Variants in SHMT1 observed in about 807,000 individuals in gnomAD.
SHMT1 encodes the protein serine hydroxymethyltransferase 1.
In SHMT1, 45 loss-of-function variants were observed where a neutral mutation model predicts 49.0. That is an observed-to-expected ratio of 0.92 (90% CI 0.72 to 1.18). The LOEUF (loss-of-function observed/expected upper bound fraction) is 1.18, where lower values mean the gene tolerates loss of function less well. Among genes scored for constraint, SHMT1 ranks in the 50% most tolerant of loss-of-function variants. The pLI, the probability that SHMT1 is intolerant of heterozygous loss-of-function variation, is 0.00. For synonymous variants in SHMT1, 232 were observed against 246.6 expected, an observed-to-expected ratio of 0.94 and a Z score of 0.55; for missense variants, 541 against 612.4, an observed-to-expected ratio of 0.88 and a Z score of 1.23.
chr17:18,351,398 G>A (rs1023806173), intron 3 of SHMT1, among the ~76,000 whole-genome samples: 6 of 151,292 alleles, frequency 4.0e-5, no homozygotes, highest in Admixed American at 2.6e-4. Flanking sequence ...CACCCAGCTC[G>A]GCCTCCTAAA....
chr17:18,357,125 C>T (rs1366326299), intron 1 of SHMT1, among the ~76,000 whole-genome samples: 1 of 151,512 alleles, frequency 6.6e-6, no homozygotes. Flanking sequence ...ACTAAAAATA[C>T]AAAAAATGAG....
In SHMT1 at chr17:18,353,666, A is replaced by G. The variant is rs370725915; in HGVS notation, c.242+6T>C. Reference sequence around the variant, plus strand: ...CAGAACCAGGCCTTTGAAGATATTCACATACCTCTGGCCCGGGTACCCCTC... The same window carrying G: ...CAGAACCAGGCCTTTGAAGATATTCGCATACCTCTGGCCCGGGTACCCCTC... On this transcript the variant is annotated splice_donor_region_variant and intron_variant, in intron 3 of 11. Transcript: ENST00000316694. The G allele has an allele frequency of 5.0e-5, 80 of 1,614,056 alleles. No individual in the cohort carries two copies. The highest frequency in any genetic ancestry group is 3.4e-4 in the South Asian group (31 of 91,074).
At chr17:18,343,633 G>GAAT (rs1984769809) in intron 5 of SHMT1, among the ~76,000 whole-genome samples, 3 of 88,250 alleles carry the variant, frequency 3.4e-5, no homozygotes, top group Non-Finnish European at 4.4e-5. Flanking sequence ...AAAAAAAAAG[G>GAAT]GGTCAGCCGG....
intron 8 of SHMT1, among the ~76,000 whole-genome samples, chr17:18,334,710 G>A (rs1983605927): frequency 6.6e-6 from 1 of 152,166 alleles, no homozygotes; most frequent in Non-Finnish European, 1.5e-5. Context: ...GAACCCACGG[G>A]CCTGCATCCC....
rs763803431 is a variant in SHMT1, at chr17:18,353,854, T to C, written c.97-37A>G. 2.2e-5 allele frequency: 36 copies of C among 1,607,944 alleles called. No homozygotes were observed. The Admixed American group carries it at 2.7e-4, about 12-fold the overall frequency. On this transcript the variant is annotated intron_variant, in intron 2 of 11. Transcript: ENST00000316694. The stretch of plus-strand genomic sequence containing the variant: ...AAAACAGATGCTTGATATTTGGAAA[T>C]TTTAGTTTAAAATTTTGCTCTGATC...
At chr17:18,354,982 T>C (rs1183194800) in intron 2 of SHMT1, among the ~76,000 whole-genome samples, 5 of 126,740 alleles carry the variant, frequency 3.9e-5, no homozygotes, top group African/African-American at 9.2e-5. Flanking sequence ...ACCCGGGAGA[T>C]GGAGCTTGCA....
At position 18,329,664 on chromosome 17, in the gene SHMT1, G is replaced by A. The variant is rs73291866; in HGVS notation, c.1172-276C>T. On this transcript the variant is annotated intron_variant, in intron 10 of 11. Transcript: ENST00000316694. ...TAACATCTGTCTGGGTCTGAGATGC[G>A]TCATCAATATTTTGTTAACAACCCA... Among the ~76,000 whole-genome samples, 1,261 of 152,242 alleles carry A rather than the reference G, an allele frequency of 8.3e-3. 20 individuals carry two copies. The highest frequency in any genetic ancestry group is 0.027 in the African/African-American group (1,132 of 41,544).
chr17:18,349,535 T>C (rs557603199), intron 3 of SHMT1, among the ~76,000 whole-genome samples: 12 of 151,702 alleles, frequency 7.9e-5, no homozygotes, highest in South Asian at 2.1e-4. Context: ...CTAGGCAACA[T>C]AGTGAGATCT....
In SHMT1 at chr17:18,363,472, G is replaced by A. The variant is rs140956276; in HGVS notation, c.-120C>T. 0.012 allele frequency: 1,786 copies of A among 153,038 alleles called. 33 individuals are homozygous for A. The highest frequency in any genetic ancestry group is 0.04 in the African/African-American group (1,655 of 41,576). 9.5% of individuals were successfully genotyped at this position (153,038 alleles called of 1,614,324 possible). ...CCGCGGGCCAGCCACGTGACCAGCC[G>A]CTCCAACCCCAAACCCCGAACTTGG... On this transcript the variant is annotated 5_prime_UTR_variant, in exon 1 of 12. Coordinates refer to ENST00000316694, the MANE Select transcript of SHMT1 (RefSeq NM_004169.5).
In SHMT1 at chr17:18,328,760, G is replaced by A. The variant is rs1567764524; in HGVS notation, c.1442C>T (p.Pro481Leu). ...AGTGGGCCCGCTCCTTTAGAAGTCA[G>A]GCAGGCCAGGCAGAGGGAAGAGAGA... ...FASLFPLPGLPDF is the reference protein window; with the variant it reads ...FASLFPLPGLLDF The change falls in exon 12 of 12, where the codon CCT becomes CTT. Residue 481 changes from proline to leucine, a missense_variant. By Grantham distance (98) the Pro-to-Leu change is moderately conservative (BLOSUM62 -3). Coordinates refer to ENST00000316694, the MANE Select transcript of SHMT1 (RefSeq NM_004169.5). 1 of 1,578,292 alleles carries A rather than the reference G, an allele frequency of 6.3e-7. No homozygotes were observed.
At position 18,329,329 on chromosome 17, in the gene SHMT1, G is replaced by C. The variant is rs375139072; in HGVS notation, c.1231C>G (p.Arg411Gly). ...LRLGTPALTS[R>G]GLLEKDFQKV... The stretch of plus-strand genomic sequence containing the variant: ...TGGAAGTCTTTTTCCAAAAGTCCAC[G>C]GGACGTCAGTGCTGGGGTCCCCAGC... The change falls in exon 11 of 12, where the codon CGT becomes GGT. Residue 411 changes from arginine (R) to glycine (G), a missense_variant. Coordinates refer to ENST00000316694, the MANE Select transcript of SHMT1 (RefSeq NM_004169.5). 5.0e-6 allele frequency: 8 copies of C among 1,613,126 alleles called. No individual in the cohort carries two copies. The highest frequency in any genetic ancestry group is 6.8e-6 in the Non-Finnish European group (8 of 1,180,006).
In SHMT1 at chr17:18,340,124, A is replaced by C. The variant is rs1452027977; in HGVS notation, c.733T>G (p.Phe245Val). The change falls in exon 7 of 12, where the codon TTT (phenylalanine) becomes GTT (valine). Residue 245 changes from phenylalanine to valine, a missense_variant. Coordinates refer to ENST00000316694, the MANE Select transcript of SHMT1 (RefSeq NM_004169.5). This position sits in a 1 kb window ranked among gnomAD's most constrained non-coding sequence, Gnocchi z 4.5. ...GTGGTCACCACATGGCAGTGTTCAAATGGGGAGGGCACCACGCCAGCCGCC... is the reference window on the plus strand; with the variant it reads ...GTGGTCACCACATGGCAGTGTTCAACTGGGGAGGGCACCACGCCAGCCGCC... ...LVAAGVVPSP[F>V]EHCHVVTTTT... The C allele has an allele frequency of 6.2e-7, 1 of 1,614,136 alleles. No homozygotes were observed. The highest frequency in any genetic ancestry group is 1.1e-5 in the South Asian group (1 of 91,086).
At chr17:18,350,551 T>G (rs1330671276) in intron 3 of SHMT1, among the ~76,000 whole-genome samples, 1 of 151,030 alleles carries the variant, frequency 6.6e-6, no homozygotes, top group African/African-American at 2.4e-5. Flanking sequence ...GCAGGAGGAT[T>G]GCTTGAGCCC....
chr17:18,353,032 A>G (rs998998847), intron 3 of SHMT1, among the ~76,000 whole-genome samples: 4 of 152,208 alleles, frequency 2.6e-5, no homozygotes, highest in Non-Finnish European at 1.5e-5. Flanking sequence ...ATAGAGCTTC[A>G]GGGGCATCTC....
Position 18,340,281 on chromosome 17 carries a change from G to T in SHMT1, c.602-26C>A. On this transcript the variant is annotated intron_variant, in intron 6 of 11. Transcript: ENST00000316694. The surrounding 1 kb of genome is among the most constrained non-coding windows in gnomAD (Gnocchi z 4.5). ...CTGAGACAGGAAAGGTGACACAGCT[G>T]CATCAGAGATGTCCACCGGCCAGCT... 1.2e-6 allele frequency: 2 copies of T among 1,611,298 alleles called. No homozygotes were observed. The highest frequency in any genetic ancestry group is 1.7e-6 in the Non-Finnish European group (2 of 1,177,892).
chr17:18,330,423 A>G (rs1177432516), intron 10 of SHMT1, 132 bp downstream of exon 10: 2 of 776,474 alleles, frequency 2.6e-6, no homozygotes, highest in South Asian at 1.4e-5. Context: ...GGCGTGAGCC[A>G]CCGTGCCCAG....
At chr17:18,347,791 G>T in intron 4 of SHMT1, 135 bp from the exon 5 acceptor site, 1 of 909,046 alleles carries the variant, frequency 1.1e-6, no homozygotes, top group Non-Finnish European at 1.7e-6. Context: ...TCCAGGAGGT[G>T]CCCCTTCACC....
chr17:18,351,315 G>A (rs1411327227), intron 3 of SHMT1, among the ~76,000 whole-genome samples: 2 of 150,746 alleles, frequency 1.3e-5, no homozygotes, highest in Non-Finnish European at 3.0e-5. Flanking sequence ...TAATTTTTTT[G>A]TATTTTTTTT....
chr17:18,362,439 G>A (rs1176635583), intron 1 of SHMT1, among the ~76,000 whole-genome samples: 2 of 152,050 alleles, frequency 1.3e-5, no homozygotes, highest in African/African-American at 4.8e-5. Context: ...TCCTGCCTCA[G>A]CCTTCCGAGT....
Sources: gnomAD v4.1 joint callset for allele counts (sites outside exome capture counted in the v4.1 genomes callset) on GRCh38, gnomAD v4.1.1 for gene constraint, Gnocchi (gnomAD v3.1) non-coding constraint, MANE v1.5 for transcripts, NCBI Gene and HGNC (gene_info 2026-07-23, HGNC 2026-07-21) for gene names.